ADAMTS5: variants seen among roughly 807,000 people sequenced by gnomAD.
ADAMTS5 encodes A disintegrin and metalloproteinase with thrombospondin motifs 5.
In ADAMTS5, 54 loss-of-function variants were observed where a neutral mutation model predicts 81.4. The ratio of observed to expected loss-of-function variants is 0.66; its 90% CI spans 0.53 to 0.83. ADAMTS5 has a LOEUF of 0.83. Among genes scored for constraint, ADAMTS5 ranks in the 40% least tolerant of loss-of-function variants. The pLI is 0.00. For missense variants in ADAMTS5, 1,194 were observed against 1,229.9 expected (o/e 0.97, Z 0.44); for synonymous variants, 532 against 508.8 (o/e 1.05, Z -0.61).
rs118016927 is a variant in ADAMTS5, at chr21:26,951,908, C to G, written c.1237+2831G>C. Among the ~76,000 whole-genome samples the G allele has an allele frequency of 5.7e-3, 869 of 152,086 alleles. 18 individuals are homozygous for G. The highest frequency in any genetic ancestry group is 0.026 in the East Asian group (136 of 5,162). ...AATAATACACAGATGATCAGGAAAT[C>G]TTTTGTCAGGCTATCTTTCCTAAAC... On this transcript the variant is annotated intron_variant, in intron 2 of 7. Coordinates refer to ENST00000284987, the MANE Select transcript of ADAMTS5 (RefSeq NM_007038.5).
At chr21:26,953,643 T>C (rs1047912118) in intron 2 of ADAMTS5, among the ~76,000 whole-genome samples, 14 of 152,156 alleles carry the variant, frequency 9.2e-5, no homozygotes, top group Non-Finnish European at 1.8e-4. Flanking sequence ...AAAATCTGTT[T>C]AAATCAAAAT....
At chr21:26,930,887 T>C (rs1209810122) in intron 6 of ADAMTS5, among the ~76,000 whole-genome samples, 1 of 152,174 alleles carries the variant, frequency 6.6e-6, no homozygotes, top group African/African-American at 2.4e-5. Flanking sequence ...GCTCTGTAGA[T>C]GGTGGTATTT....
intron 2 of ADAMTS5, among the ~76,000 whole-genome samples, chr21:26,945,161 AAAAC>A (rs1446212203): frequency 6.6e-6 from 1 of 152,056 alleles, no homozygotes; most frequent in African/African-American, 2.4e-5. Context: ...AAAAAAAAAA[AAAAC>A]AATCTTTCAT....
rs1324211563 is a variant in ADAMTS5 at position 26,934,729 on chromosome 21, G to A, written c.1426C>T (p.Pro476Ser). 5.6e-6 allele frequency: 9 copies of A among 1,614,164 alleles called. No homozygotes were observed. Among genetic ancestry groups the A allele is most frequent in the South Asian group, 2.2e-5 (2 of 91,084 alleles). Residue 476 changes from proline (P) to serine (S), a missense_variant, in exon 4 of 8, where the codon CCA (proline) becomes TCA (serine). By Grantham distance (74) the Pro-to-Ser change is moderately conservative. Transcript: ENST00000284987. ...TCGGGGCCCAGGATCTGCTTTCGTGGTAGGTCCAGCAAACAGTTACCTACA... is the reference window on the plus strand; with the variant it reads ...TCGGGGCCCAGGATCTGCTTTCGTGATAGGTCCAGCAAACAGTTACCTACA... ...DGHGNCLLDL[P>S]RKQILGPEEL...
At chr21:26,953,641 T>G (rs1245174004) in intron 2 of ADAMTS5, among the ~76,000 whole-genome samples, 1 of 152,132 alleles carries the variant, frequency 6.6e-6, no homozygotes, top group African/African-American at 2.4e-5. Flanking sequence ...TCAAAATCTG[T>G]TTAAATCAAA....
rs954888134 is a variant in ADAMTS5, at chr21:26,934,392, G to C, written c.1689+74C>G. 21 of 1,567,426 alleles carry C rather than the reference G, an allele frequency of 1.3e-5. No homozygotes were observed. In the African/African-American group the frequency reaches 2.7e-4, roughly 20 times the overall value. ...TAGAAAATAAAGCCTTCTGAGAACA[G>C]TGCCCATACCCATCACAAGAATGCA... On this transcript the variant is annotated intron_variant, in intron 4 of 7. Transcript: ENST00000284987.
intron 3 of ADAMTS5, among the ~76,000 whole-genome samples, chr21:26,936,306 T>C (rs1057192199): frequency 2.0e-5 from 3 of 152,230 alleles, no homozygotes; most frequent in Non-Finnish European, 2.9e-5. Flanking sequence ...ATCTGCATAA[T>C]GCTTCTCTTC....
rs1453604809 is a variant in ADAMTS5 at position 26,965,872 on chromosome 21, C to T, written c.520G>A (p.Ala174Thr). Residue 174 changes from alanine to threonine, a missense_variant, in exon 1 of 8, where the codon GCG (alanine) becomes ACG (threonine). By Grantham distance (58) the Ala-to-Thr change is moderately conservative (BLOSUM62 0). Coordinates refer to ENST00000284987, the MANE Select transcript of ADAMTS5 (RefSeq NM_007038.5). ...TLKPLLRGPW[A>T]EEEKGRVYGD... ...TACACGCGCCCCTTTTCTTCCTCCG[C>T]CCAGGGTCCGCGCAGCAGTGGCTTT... 1 of 1,613,710 alleles carries T rather than the reference C, an allele frequency of 6.2e-7. No individual in the cohort carries two copies. Among genetic ancestry groups the T allele is most frequent in the Non-Finnish European group, 8.5e-7 (1 of 1,179,866 alleles).
At chr21:26,955,810 A>G (rs952988491) in intron 1 of ADAMTS5, among the ~76,000 whole-genome samples, 1 of 152,172 alleles carries the variant, frequency 6.6e-6, no homozygotes, top group Non-Finnish European at 1.5e-5. Flanking sequence ...TTTACTAACA[A>G]TGTGCTCATT....
In ADAMTS5 at chr21:26,922,295, A is replaced by G. The variant is rs890352695; in HGVS notation, c.*1758T>C. 2.0e-5 allele frequency: 3 copies of G among 152,126 alleles called. No homozygotes were observed. Among genetic ancestry groups the G allele is most frequent in the African/African-American group, 7.2e-5 (3 of 41,462 alleles). The allele number at this position is 152,126 out of a possible 1,614,324, so 9.4% of individuals were successfully genotyped here. ...GCAATTTCTTAAGAAAATACTGAAA[A>G]CAGCAAGACATCTATTTTCCTGGCC... On this transcript the variant is annotated 3_prime_UTR_variant, in exon 8 of 8. Transcript: ENST00000284987.
At chr21:26,936,950 CAAT>C (rs1285700690) in intron 3 of ADAMTS5, among the ~76,000 whole-genome samples, 4 of 152,124 alleles carry the variant, frequency 2.6e-5, no homozygotes, top group Non-Finnish European at 5.9e-5. Context: ...TCTGAGTCTG[CAAT>C]AATGTTTTCC....
At chr21:26,960,077 G>A (rs764349547) in intron 1 of ADAMTS5, among the ~76,000 whole-genome samples, 1 of 151,968 alleles carries the variant, frequency 6.6e-6, no homozygotes, top group Non-Finnish European at 1.5e-5. Flanking sequence ...GAATATTTTG[G>A]CCTCTGAAGC....
chr21:26,939,442 G>A (rs1412693363), intron 3 of ADAMTS5, among the ~76,000 whole-genome samples: 1 of 152,152 alleles, frequency 6.6e-6, no homozygotes. Context: ...TTTTATTAAT[G>A]CCACCTTAAA....
chr21:26,944,155 A>T (rs903391004), intron 2 of ADAMTS5, among the ~76,000 whole-genome samples: 2 of 152,234 alleles, frequency 1.3e-5, no homozygotes, highest in Non-Finnish European at 2.9e-5. Flanking sequence ...AGCTTGCTTC[A>T]TCCGTTCATT....
At chr21:26,930,179 TG>T (rs1986881501) in intron 6 of ADAMTS5, 118 bp from the exon 7 acceptor site, 3 of 803,816 alleles carry the variant, frequency 3.7e-6, no homozygotes, top group African/African-American at 1.9e-5. Flanking sequence ...GACAGTCCAT[TG>T]AAAAAAAAAA....
intron 1 of ADAMTS5, among the ~76,000 whole-genome samples, chr21:26,964,713 T>C (rs1340295422): frequency 6.6e-6 from 1 of 152,178 alleles, no homozygotes; most frequent in African/African-American, 2.4e-5. Context: ...AAGGTGGACA[T>C]GTAAGAACTC....
At position 26,966,202 on chromosome 21, in the gene ADAMTS5, G is replaced by A. The variant is rs758300526; in HGVS notation, c.190C>T (p.Leu64=). Residue 64 remains leucine, a synonymous_variant, in exon 1 of 8, where the codon CTG becomes TTG. Coordinates refer to ENST00000284987, the MANE Select transcript of ADAMTS5 (RefSeq NM_007038.5). ...RAEPPGHPHP[L]AQRRRSKGLV... ...CCCTTGCTCCTGCGCCGCTGCGCCA[G>A]GGGGTGCGGGTGGCCGGGAGGCTCG... 31 of 1,596,784 alleles carry A rather than the reference G, an allele frequency of 1.9e-5. No homozygotes were observed. The highest frequency in any genetic ancestry group is 2.7e-5 in the African/African-American group (2 of 74,642).
Position 26,943,628 on chromosome 21 carries a change from AT to A in ADAMTS5, c.1238-82del, listed in dbSNP as rs370027932. On this transcript the variant is annotated intron_variant, in intron 2 of 7. Transcript: ENST00000284987. The stretch of plus-strand genomic sequence containing the variant: ...TCCATGACAATTATGCTAGGGCTTG[AT>A]TTTTTTCCCCTAATTGTAGATGAGT... 590 of 1,340,692 alleles carry A rather than the reference AT, an allele frequency of 4.4e-4. 11 individuals are homozygous for A. The East Asian group carries it at 5.5e-3, about 13-fold the overall frequency. The allele number at this position is 1,340,692 out of a possible 1,614,324, so 83.0% of individuals were successfully genotyped here.
chr21:26,960,497 T>C (rs1196966422), intron 1 of ADAMTS5, among the ~76,000 whole-genome samples: 3 of 152,316 alleles, frequency 2.0e-5, no homozygotes, highest in Middle Eastern at 3.4e-3. Context: ...ATAGGGTTAG[T>C]GTCCTTAGAA....
Sources: gnomAD v4.1 joint callset for allele counts (sites outside exome capture counted in the v4.1 genomes callset) on GRCh38, gnomAD v4.1.1 for gene constraint, MANE v1.5 for transcripts, NCBI Gene and HGNC (gene_info 2026-07-23, HGNC 2026-07-21) for gene names.